ARHGEF38: variants seen among roughly 807,000 people sequenced by gnomAD.
ARHGEF38 encodes the protein Rho guanine nucleotide exchange factor (GEF) 38.
ARHGEF38 carries 79 observed loss-of-function variants against 79.9 expected under a neutral mutation model. That is an observed-to-expected ratio of 0.99 (90% CI 0.82 to 1.19). The LOEUF (loss-of-function observed/expected upper bound fraction) is 1.19. Ranked by LOEUF, ARHGEF38 falls within the 50% of genes most tolerant of loss-of-function variation. The probability of loss-of-function intolerance (pLI) is 0.00; values close to 1 mark genes in which losing one functional copy is unlikely to be tolerated. For missense variants in ARHGEF38, 962 were observed against 907.2 expected, an observed-to-expected ratio of 1.06 and a Z score of -0.78; for synonymous variants, 366 against 328.3, an observed-to-expected ratio of 1.11 and a Z score of -1.24.
At position 105,552,742 on chromosome 4, in the gene ARHGEF38, C is replaced by T; in HGVS notation, c.-24C>T. The T allele has an allele frequency of 1.3e-6, 2 of 1,587,748 alleles. No homozygotes were observed. The highest frequency in any genetic ancestry group is 1.7e-6 in the Non-Finnish European group (2 of 1,167,692). ...TAGCAATCAGCCATTGCCTGCAAGC[C>T]TCCAAAGCTTGTCTTTGCCTAATAT... On this transcript the variant is annotated 5_prime_UTR_variant, in exon 1 of 14. Transcript: ENST00000420470.
intron 13 of ARHGEF38, among the ~76,000 whole-genome samples, chr4:105,670,503 C>T (rs1730923420): frequency 6.6e-6 from 1 of 151,608 alleles, no homozygotes. Flanking sequence ...TTCTTATTTT[C>T]CCATTGTAAG....
rs145336659 is a variant in ARHGEF38 at position 105,555,271 on chromosome 4, A to T, written c.196+2310A>T. Among the ~76,000 whole-genome samples the T allele has an allele frequency of 3.6e-4, 55 of 152,276 alleles. No individual in the cohort carries two copies. In the East Asian group the frequency reaches 0.011, roughly 29 times the overall value. ...GTATAGAGGAGCACATAAGCCATAA[A>T]GATAGGCTGGCCTCCTGAGAAGTAA... On this transcript the variant is annotated intron_variant, in intron 1 of 13. Coordinates refer to ENST00000420470, the MANE Select transcript of ARHGEF38 (RefSeq NM_001242729.2).
Position 105,613,512 on chromosome 4 carries a change from G to A in ARHGEF38, c.508+5G>A. 1 of 1,611,900 alleles carries A rather than the reference G, an allele frequency of 6.2e-7. No individual in the cohort carries two copies. The highest frequency in any genetic ancestry group is 8.5e-7 in the Non-Finnish European group (1 of 1,178,744). On this transcript the variant is annotated splice_donor_5th_base_variant and intron_variant, in intron 3 of 13. Transcript: ENST00000420470. Reference sequence around the variant, plus strand: ...AACCGGCCATGCAAGTAATTGGTATGTTTATTCTCTTCTCGAGTTCTACAA... The same window carrying A: ...AACCGGCCATGCAAGTAATTGGTATATTTATTCTCTTCTCGAGTTCTACAA...
At chr4:105,643,469 T>A (rs1336200677) in intron 5 of ARHGEF38, among the ~76,000 whole-genome samples, 1 of 152,246 alleles carries the variant, frequency 6.6e-6, no homozygotes, top group Non-Finnish European at 1.5e-5. Flanking sequence ...TGCTTTAGTC[T>A]TTGTCTCTCT....
chr4:105,562,504 C>T (rs912036458), intron 1 of ARHGEF38, among the ~76,000 whole-genome samples: 1 of 152,068 alleles, frequency 6.6e-6, no homozygotes, highest in African/African-American at 2.4e-5. Context: ...TCTTTACATT[C>T]TTTTTCTGTA....
intron 3 of ARHGEF38, among the ~76,000 whole-genome samples, chr4:105,622,241 G>T (rs913452063): frequency 6.6e-6 from 1 of 152,148 alleles, no homozygotes; most frequent in African/African-American, 2.4e-5. Context: ...GTGCCAGGAG[G>T]AGTATTGGAG....
intron 1 of ARHGEF38, among the ~76,000 whole-genome samples, chr4:105,577,986 T>G (rs1037453356): frequency 6.6e-5 from 10 of 152,156 alleles, no homozygotes; most frequent in Admixed American, 6.6e-4. Flanking sequence ...GTTTGTTCTT[T>G]TTTCTCTAGT....
chr4:105,664,929 A>T (rs574165356), intron 10 of ARHGEF38, among the ~76,000 whole-genome samples: 18 of 152,292 alleles, frequency 1.2e-4, no homozygotes, highest in African/African-American at 4.3e-4. Flanking sequence ...AATTTCCTAC[A>T]GGTGCTCCTT....
chr4:105,663,473 C>T (rs1730635753), intron 10 of ARHGEF38, among the ~76,000 whole-genome samples: 1 of 152,074 alleles, frequency 6.6e-6, no homozygotes, highest in African/African-American at 2.4e-5. Flanking sequence ...TACTCCCCTC[C>T]CCCAAGTCCC....
At chr4:105,604,321 A>G (rs958383030) in intron 2 of ARHGEF38, among the ~76,000 whole-genome samples, 1 of 152,188 alleles carries the variant, frequency 6.6e-6, no homozygotes, top group Admixed American at 6.6e-5. Context: ...TACAACACAG[A>G]TGGACTTCAT....
intron 1 of ARHGEF38, among the ~76,000 whole-genome samples, chr4:105,578,340 A>G (rs1394791179): frequency 6.6e-6 from 1 of 152,118 alleles, no homozygotes; most frequent in African/African-American, 2.4e-5. Flanking sequence ...TTTGTGGCCT[A>G]TTGTATGGTC....
chr4:105,648,786 C>A, intron 7 of ARHGEF38, 104 bp downstream of exon 7: 1 of 1,178,214 alleles, frequency 8.5e-7, no homozygotes, highest in Non-Finnish European at 1.1e-6. Flanking sequence ...TACTGAGAAT[C>A]AAGGTAATTG....
chr4:105,567,848 G>A (rs1248712912), intron 1 of ARHGEF38, among the ~76,000 whole-genome samples: 3 of 151,418 alleles, frequency 2.0e-5, no homozygotes, highest in Admixed American at 6.6e-5. Flanking sequence ...AGTTACATAC[G>A]TATACATGTG....
intron 6 of ARHGEF38, among the ~76,000 whole-genome samples, chr4:105,647,375 T>TA (rs1354277725): frequency 1.3e-5 from 2 of 152,194 alleles, no homozygotes; most frequent in African/African-American, 4.8e-5. Context: ...CTTAATCGTA[T>TA]ATCATGAACA....
At chr4:105,668,889 C>A (rs970464100) in intron 13 of ARHGEF38, among the ~76,000 whole-genome samples, 3 of 151,586 alleles carry the variant, frequency 2.0e-5, no homozygotes, top group Non-Finnish European at 2.9e-5. Flanking sequence ...TACTAAAAAT[C>A]AAAAAAATTA....
Position 105,659,350 on chromosome 4 carries a change from C to A in ARHGEF38, c.1530C>A (p.Tyr510Ter). ...TGATGCTCGTGGCACAGCAGGCTTA[C>A]TCCACACTTGTGCCGGTAAGCACAG... ...RDLMLVAQQA[Y>*]STLVPMPLLV... Residue 510 changes from tyrosine (Y) to a stop codon, truncating the protein, a stop_gained, in exon 10 of 14, where the codon TAC (tyrosine) becomes TAA (stop). Transcript: ENST00000420470. LOFTEE classifies it high-confidence loss of function. The A allele has an allele frequency of 1.3e-5, 20 of 1,534,698 alleles. No homozygotes were observed. Among genetic ancestry groups the A allele is most frequent in the Non-Finnish European group, 1.7e-5 (20 of 1,146,516 alleles).
chr4:105,588,200 C>A (rs2110454421), intron 1 of ARHGEF38, among the ~76,000 whole-genome samples: 1 of 152,294 alleles, frequency 6.6e-6, no homozygotes, highest in Non-Finnish European at 1.5e-5. Context: ...TTATTTTTTA[C>A]TGTACAGACT....
intron 13 of ARHGEF38, among the ~76,000 whole-genome samples, chr4:105,677,029 T>A (rs1032605643): frequency 6.6e-6 from 1 of 151,942 alleles, no homozygotes; most frequent in African/African-American, 2.4e-5. Context: ...AGTGGCGCGA[T>A]CTCGGCTCAC....
intron 13 of ARHGEF38, among the ~76,000 whole-genome samples, chr4:105,672,813 T>C (rs1390554558): frequency 1.3e-5 from 2 of 152,206 alleles, no homozygotes; most frequent in African/African-American, 4.8e-5. Context: ...CTTGTTCTGG[T>C]CGGACTAAGG....
Sources: allele counts gnomAD v4.1 joint callset (sites outside exome capture counted in the v4.1 genomes callset), GRCh38; gene constraint gnomAD v4.1.1; transcripts MANE v1.5; gene names NCBI Gene and HGNC (gene_info 2026-07-23, HGNC 2026-07-21).